Variants in MINDY4 observed in about 807,000 individuals in gnomAD.
MINDY4 encodes MINDY lysine 48 deubiquitinase 4.
In MINDY4, 68 loss-of-function variants were observed where a neutral mutation model predicts 87.0. The ratio of observed to expected loss-of-function variants is 0.78; its 90% confidence interval spans 0.64 to 0.96. The LOEUF (loss-of-function observed/expected upper bound fraction) is 0.96. Ranked by LOEUF, MINDY4 falls within the 40% of genes least tolerant of loss-of-function variation. The pLI is 0.00. For synonymous variants in MINDY4, 379 were observed against 363.2 expected (o/e 1.04, Z -0.50); for missense variants, 919 against 928.2 (o/e 0.99, Z 0.13).
At chr7:30,810,263 A>G (rs1787947771) in intron 5 of MINDY4, among the ~76,000 whole-genome samples, 1 of 151,680 alleles carries the variant, frequency 6.6e-6, no homozygotes, top group Non-Finnish European at 1.5e-5. Context: ...GTCGTGAAAG[A>G]GAAAAATGTT....
At chr7:30,775,220 C>T (rs1786773883) in intron 1 of MINDY4, among the ~76,000 whole-genome samples, 2 of 152,326 alleles carry the variant, frequency 1.3e-5, no homozygotes, top group East Asian at 1.9e-4. Context: ...GCCCCCACTT[C>T]AGATGCTAGT....
chr7:30,798,498 TTTC>T (rs1224468983), intron 5 of MINDY4, among the ~76,000 whole-genome samples: 1 of 152,100 alleles, frequency 6.6e-6, no homozygotes, highest in African/African-American at 2.4e-5. Context: ...TGCATGTTAC[TTTC>T]TTCTTTTTTT....
chr7:30,836,691 T>G lies in MINDY4; in HGVS notation c.1166T>G (p.Val389Gly). 6.2e-7 allele frequency: 1 copy of G among 1,614,108 alleles called. No homozygotes were observed. The highest frequency in any genetic ancestry group is 8.5e-7 in the Non-Finnish European group (1 of 1,180,006). ...DVEDELIREE[V>G]ILSPVPSVLK... ...GAGGATGAGTTGATAAGGGAAGAGGTCATCCTGTCGCCAGTCCCATCAGTG... is the reference window on the plus strand; with the variant it reads ...GAGGATGAGTTGATAAGGGAAGAGGGCATCCTGTCGCCAGTCCCATCAGTG... Residue 389 changes from valine (V) to glycine (G), a missense_variant, in exon 7 of 18, where the codon GTC (valine) becomes GGC (glycine). Val to Gly is a moderately radical substitution (Grantham distance 109). Transcript: ENST00000265299.
At chr7:30,804,745 C>T (rs1370131251) in intron 5 of MINDY4, among the ~76,000 whole-genome samples, 2 of 152,196 alleles carry the variant, frequency 1.3e-5, no homozygotes, top group Non-Finnish European at 2.9e-5. Context: ...CACAAAATGA[C>T]CAAGCAGTCT....
At chr7:30,855,121 G>C (rs191872393) in intron 12 of MINDY4, among the ~76,000 whole-genome samples, 138 of 152,360 alleles carry the variant, frequency 9.1e-4, no homozygotes, top group African/African-American at 3.2e-3. Flanking sequence ...GAGGCCTGGA[G>C]CAGGGGCCTG....
rs1169913038 is a variant in MINDY4 at position 30,771,422 on chromosome 7, G to A, written c.-72G>A. ...GTCGCCACGGCAACGCGGCCATACT[G>A]CGCCGGACAGACCCAGTTGCCTGGT... is the stretch of plus-strand genomic sequence containing the variant. On this transcript the variant is annotated 5_prime_UTR_variant, in exon 1 of 18. Transcript: ENST00000265299. 1.3e-6 allele frequency: 2 copies of A among 1,509,780 alleles called. No homozygotes were observed. Among genetic ancestry groups the A allele is most frequent in the East Asian group, 2.4e-5 (1 of 42,256 alleles). The allele number at this position is 1,509,780 out of a possible 1,614,324, so 93.5% of individuals were successfully genotyped here.
At chr7:30,882,511 TGCCAG>T in intron 16 of MINDY4, 150 bp downstream of exon 16, 1 of 757,952 alleles carries the variant, frequency 1.3e-6, no homozygotes, top group Non-Finnish European at 2.0e-6. Context: ...AGAGAGCCAA[TGCCAG>T]CAGGGCCTCC....
At chr7:30,872,206 G>A (rs1315249185) in intron 13 of MINDY4, 37 bp from the exon 14 acceptor site, 2 of 1,610,666 alleles carry the variant, frequency 1.2e-6, no homozygotes, top group South Asian at 2.2e-5. Flanking sequence ...CCTGGGTCAG[G>A]CAGAGCTGTG....
At chr7:30,786,992 C>T (rs116184801) in intron 4 of MINDY4, among the ~76,000 whole-genome samples, 5 of 152,356 alleles carry the variant, frequency 3.3e-5, no homozygotes, top group Non-Finnish European at 5.9e-5. Context: ...CACCTGCGCT[C>T]TCACTTACCT....
intron 5 of MINDY4, among the ~76,000 whole-genome samples, chr7:30,802,885 A>AT (rs1401870150): frequency 6.6e-6 from 1 of 151,646 alleles, no homozygotes; most frequent in Non-Finnish European, 1.5e-5. Flanking sequence ...CCATCCAACC[A>AT]TCCATTCATC....
At position 30,789,641 on chromosome 7, in the gene MINDY4, T is replaced by C. The variant is rs573152825; in HGVS notation, c.664-1524T>C. 2.0e-5 allele frequency among the ~76,000 whole-genome samples: 3 copies of C among 152,330 alleles called. No homozygotes were observed. The South Asian group carries it at 6.2e-4, about 32-fold the overall frequency. ...GTGGAGGGGATGTCCTGAGTGGCTT[T>C]GGGAGGAGGTTTATAGTGCTTAGTA... On this transcript the variant is annotated intron_variant, in intron 4 of 17. Coordinates refer to ENST00000265299, the MANE Select transcript of MINDY4 (RefSeq NM_032222.3).
chr7:30,824,626 G>A (rs1788440455), intron 5 of MINDY4, among the ~76,000 whole-genome samples: 1 of 152,052 alleles, frequency 6.6e-6, no homozygotes, highest in Non-Finnish European at 1.5e-5. Context: ...TTTAGAGGTA[G>A]TGGCTTGCGT....
chr7:30,889,859 C>T (rs7805350), intron 17 of MINDY4, among the ~76,000 whole-genome samples: 46,610 of 151,996 alleles, frequency 0.31, 11,416 homozygotes, highest in African/African-American at 0.68. Context: ...TGGATCTCAC[C>T]AAGGTAGTTC....
At chr7:30,833,826 A>G (rs938006507) in intron 6 of MINDY4, among the ~76,000 whole-genome samples, 34 of 152,244 alleles carry the variant, frequency 2.2e-4, no homozygotes, top group Non-Finnish European at 4.4e-5. Context: ...CCCAGGCCCT[A>G]CGCAAGTCCA....
chr7:30,785,291 CACACACA>C (rs760392675), intron 3 of MINDY4, among the ~76,000 whole-genome samples: 8 of 151,828 alleles, frequency 5.3e-5, no homozygotes, highest in African/African-American at 1.7e-4. Context: ...CACACACACA[CACACACA>C]CACCCATTGG....
At chr7:30,862,904 A>ATT (rs1366275393) in intron 13 of MINDY4, among the ~76,000 whole-genome samples, 1 of 152,146 alleles carries the variant, frequency 6.6e-6, no homozygotes, top group Non-Finnish European at 1.5e-5. Context: ...TTACCCAAAT[A>ATT]AGCTTTATTT....
intron 13 of MINDY4, among the ~76,000 whole-genome samples, chr7:30,863,402 G>A (rs113280017): frequency 3.9e-5 from 6 of 152,316 alleles, no homozygotes; most frequent in African/African-American, 9.6e-5. Flanking sequence ...CTGTATGGCC[G>A]GGTGTGAGAT....
chr7:30,790,089 T>C (rs1381744692), intron 4 of MINDY4, among the ~76,000 whole-genome samples: 2 of 152,244 alleles, frequency 1.3e-5, no homozygotes, highest in East Asian at 3.8e-4. Flanking sequence ...GTTTGCTGAC[T>C]GCTGCAATAC....
Position 30,889,743 on chromosome 7 carries a change from A to ATG in MINDY4, c.2226-2213_2226-2212dup, listed in dbSNP as rs757482605. Among the ~76,000 whole-genome samples the ATG allele has an allele frequency of 1.6e-3, 238 of 152,314 alleles. 1 individual carries two copies. Among genetic ancestry groups the ATG allele is most frequent in the East Asian group, 0.014 (74 of 5,188 alleles). On this transcript the variant is annotated intron_variant, in intron 17 of 17. Transcript: ENST00000265299. The stretch of plus-strand genomic sequence containing the variant: ...TCTTCCACATCCAATGGAGTAAGTG[A>ATG]TGATGCTGGCATTTTCACTTCAAAA...
Sources: gnomAD v4.1 joint callset for allele counts (sites outside exome capture counted in the v4.1 genomes callset) on GRCh38, gnomAD v4.1.1 for gene constraint, MANE v1.5 for transcripts, NCBI Gene and HGNC (gene_info 2026-07-23, HGNC 2026-07-21) for gene names.